NMNAT2: variants seen among roughly 807,000 people sequenced by gnomAD.
NMNAT2 encodes the protein nicotinamide nucleotide adenylyltransferase 2, also known as nicotinamide/nicotinic acid mononucleotide adenylyltransferase 2.
NMNAT2 carries 11 observed loss-of-function variants against 41.6 expected under a neutral mutation model. That is an observed-to-expected ratio of 0.26 (90% CI 0.17 to 0.44). The LOEUF (loss-of-function observed/expected upper bound fraction) is 0.44. NMNAT2 is among the 20% of genes least tolerant of loss of function. The pLI is 1.00. For missense variants in NMNAT2, 288 were observed against 407.7 expected (o/e 0.71, Z 2.53); for synonymous variants, 148 against 151.2 (o/e 0.98, Z 0.16).
At chr1:183,335,392 C>T (rs1662662197) in intron 1 of NMNAT2, among the ~76,000 whole-genome samples, 1 of 152,166 alleles carries the variant, frequency 6.6e-6, no homozygotes, top group South Asian at 2.1e-4. Flanking sequence ...TAGCCCTTCA[C>T]TCATTAGTGT....
At chr1:183,307,541 C>T (rs1481055101) in intron 1 of NMNAT2, among the ~76,000 whole-genome samples, 1 of 152,040 alleles carries the variant, frequency 6.6e-6, no homozygotes. Flanking sequence ...CTCCTGGGTT[C>T]AAGTGATTCT....
At chr1:183,369,569 A>C (rs1663488224) in intron 1 of NMNAT2, among the ~76,000 whole-genome samples, 1 of 151,810 alleles carries the variant, frequency 6.6e-6, no homozygotes, top group Non-Finnish European at 1.5e-5. Flanking sequence ...GAGCTACCGC[A>C]CCCAGCCTAT....
At chr1:183,253,314 TTATTTATA>T (rs1184720489) in intron 10 of NMNAT2, among the ~76,000 whole-genome samples, 1 of 148,122 alleles carries the variant, frequency 6.8e-6, no homozygotes, top group African/African-American at 2.5e-5. Flanking sequence ...TTATATTATA[TTATTTATA>T]TAAGTGTTAA....
At chr1:183,389,885 G>A in intron 1 of NMNAT2, among the ~76,000 whole-genome samples, 1 of 116,260 alleles carries the variant, frequency 8.6e-6, no homozygotes, top group Non-Finnish European at 1.9e-5. Context: ...GAGGGAGGGA[G>A]GGAGGGAGGG....
chr1:183,380,584 G>A (rs954321300), intron 1 of NMNAT2, among the ~76,000 whole-genome samples: 1 of 152,176 alleles, frequency 6.6e-6, no homozygotes, highest in African/African-American at 2.4e-5. Context: ...ATGAGAGAGG[G>A]TGAAAAATTC....
chr1:183,320,116 T>C (rs192005938), intron 1 of NMNAT2, among the ~76,000 whole-genome samples: 2 of 152,278 alleles, frequency 1.3e-5, no homozygotes, highest in African/African-American at 4.8e-5. Context: ...AAATAGATCC[T>C]GAGGATGAGA....
chr1:183,295,124 C>T (rs1242367611), intron 1 of NMNAT2, among the ~76,000 whole-genome samples: 1 of 152,176 alleles, frequency 6.6e-6, no homozygotes, highest in Non-Finnish European at 1.5e-5. Context: ...ATGCCTCAGC[C>T]TCCCAAGTAG....
chr1:183,378,291 G>A (rs1259474375), intron 1 of NMNAT2, among the ~76,000 whole-genome samples: 1 of 151,998 alleles, frequency 6.6e-6, no homozygotes, highest in African/African-American at 2.4e-5. Flanking sequence ...CTACTCAGGA[G>A]GCTGAGGTAG....
At chr1:183,354,695 G>T (rs1008143939) in intron 1 of NMNAT2, among the ~76,000 whole-genome samples, 14 of 152,148 alleles carry the variant, frequency 9.2e-5, no homozygotes, top group Non-Finnish European at 1.0e-4. Context: ...GGGATTACAG[G>T]CGTGAGCCAC....
chr1:183,334,479 G>A (rs775973847), intron 1 of NMNAT2, among the ~76,000 whole-genome samples: 5 of 152,040 alleles, frequency 3.3e-5, no homozygotes, highest in East Asian at 1.9e-4. Context: ...CCACAGGGCC[G>A]GTGGAAGCAG....
intron 1 of NMNAT2, among the ~76,000 whole-genome samples, chr1:183,376,076 G>T (rs1266569976): frequency 6.6e-6 from 1 of 152,126 alleles, no homozygotes; most frequent in African/African-American, 2.4e-5. Flanking sequence ...GAAGTACTGG[G>T]GAACACCTAA....
intron 1 of NMNAT2, among the ~76,000 whole-genome samples, chr1:183,366,122 C>T (rs1663405218): frequency 6.6e-6 from 1 of 152,190 alleles, no homozygotes; most frequent in African/African-American, 2.4e-5. Context: ...CAAGAAATGG[C>T]TCCCAATCTA....
intron 5 of NMNAT2, among the ~76,000 whole-genome samples, chr1:183,285,382 C>T (rs1334712221): frequency 6.6e-6 from 1 of 152,220 alleles, no homozygotes; most frequent in East Asian, 1.9e-4. Context: ...GGAACCATTT[C>T]TGCTGGGCTA....
intron 6 of NMNAT2, 91 bp from the exon 7 acceptor site, chr1:183,284,130 T>TTTTG: frequency 1.3e-6 from 1 of 771,122 alleles, no homozygotes; most frequent in Non-Finnish European, 2.1e-6. Flanking sequence ...CAGGAATTAT[T>TTTTG]GGGATGGGGT....
chr1:183,393,021 G>C (rs2101922415), intron 1 of NMNAT2, among the ~76,000 whole-genome samples: 1 of 152,168 alleles, frequency 6.6e-6, no homozygotes, highest in Middle Eastern at 3.4e-3. Context: ...TGTTCTCTGT[G>C]ACTGTCTTAA....
At chr1:183,413,700 G>A (rs2101933520) in intron 1 of NMNAT2, among the ~76,000 whole-genome samples, 1 of 147,598 alleles carries the variant, frequency 6.8e-6, no homozygotes, top group Admixed American at 6.8e-5. Flanking sequence ...TCCGCCTTCC[G>A]GGTTCGCGCC....
chr1:183,406,608 C>A (rs1648960984), intron 1 of NMNAT2, among the ~76,000 whole-genome samples: 1 of 152,156 alleles, frequency 6.6e-6, no homozygotes, highest in Non-Finnish European at 1.5e-5. Flanking sequence ...AGACTATCTG[C>A]ACAATTTTGA....
chr1:183,407,524 T>G (rs1342728585), intron 1 of NMNAT2, among the ~76,000 whole-genome samples: 1 of 152,260 alleles, frequency 6.6e-6, no homozygotes, highest in African/African-American at 2.4e-5. Flanking sequence ...TTCATTCATT[T>G]GCTAAATATT....
chr1:183,397,674 C>T (rs1376850321), intron 1 of NMNAT2, among the ~76,000 whole-genome samples: 1 of 152,162 alleles, frequency 6.6e-6, no homozygotes, highest in Non-Finnish European at 1.5e-5. Context: ...GGTTGGGTTA[C>T]CCACAAAGGG....
Sources: gnomAD v4.1 joint callset for allele counts (sites outside exome capture counted in the v4.1 genomes callset) on GRCh38, gnomAD v4.1.1 for gene constraint, MANE v1.5 for transcripts, NCBI Gene and HGNC (gene_info 2026-07-23, HGNC 2026-07-21) for gene names.